The following NDRG3 variants were observed in gnomAD, a reference collection of about 807,000 sequenced individuals.
NDRG3 encodes the protein NDRG family member 3.
In NDRG3, 23 loss-of-function variants were observed where a neutral mutation model predicts 57.2. The observed-to-expected ratio is 0.40, with a 90% confidence interval of 0.29 to 0.57. The LOEUF (loss-of-function observed/expected upper bound fraction) is 0.57. NDRG3 is among the 20% of genes least tolerant of loss of function. The probability of loss-of-function intolerance (pLI) is 0.42; values close to 1 mark genes in which losing one functional copy is unlikely to be tolerated. For synonymous variants in NDRG3, 132 were observed against 162.6 expected (o/e 0.81, Z 1.43); for missense variants, 384 against 457.3 (o/e 0.84, Z 1.46).
At chr20:36,676,566 A>C (rs955518697) in intron 8 of NDRG3, among the ~76,000 whole-genome samples, 1 of 152,070 alleles carries the variant, frequency 6.6e-6, no homozygotes, top group African/African-American at 2.4e-5. Context: ...GGGTTCAAGC[A>C]ATTCTCCTGC....
chr20:36,720,535 T>C (rs139736946), intron 2 of NDRG3, among the ~76,000 whole-genome samples: 1 of 152,260 alleles, frequency 6.6e-6, no homozygotes, highest in East Asian at 1.9e-4. Context: ...TGTGGTCTCA[T>C]CTGCTCCTTG....
chr20:36,736,905 C>T (rs192878307), intron 1 of NDRG3, among the ~76,000 whole-genome samples: 1 of 152,196 alleles, frequency 6.6e-6, no homozygotes, highest in Non-Finnish European at 1.5e-5. Context: ...GCTCACAGAT[C>T]CTCACTGTAA....
rs147614419 is a variant in NDRG3 at position 36,721,523 on chromosome 20, G to A, written c.57+156C>T. Among the ~76,000 whole-genome samples, 11 of 150,230 alleles carry A rather than the reference G, an allele frequency of 7.3e-5. No homozygotes were observed. The East Asian group carries it at 9.8e-4, about 13-fold the overall frequency. On this transcript the variant is annotated intron_variant, in intron 2 of 15. Coordinates refer to ENST00000349004, the MANE Select transcript of NDRG3 (RefSeq NM_032013.4). ...CAGCCTGGCAACAGAGTGAGACACC[G>A]TCTCAAAAAAAAAAAGAAATAGATT...
At chr20:36,697,152 A>G (rs1982860046) in intron 3 of NDRG3, among the ~76,000 whole-genome samples, 1 of 152,214 alleles carries the variant, frequency 6.6e-6, no homozygotes, top group Non-Finnish European at 1.5e-5. Context: ...CAATCCAGAA[A>G]AAGTGTTCTC....
chr20:36,707,123 C>T (rs1816833805), intron 2 of NDRG3, 116 bp from the exon 3 acceptor site: 2 of 917,914 alleles, frequency 2.2e-6, no homozygotes, highest in Non-Finnish European at 3.5e-6. Context: ...TGCCATAAAA[C>T]TGAAATAGTT....
At chr20:36,668,396 C>CT (rs941889160) in intron 9 of NDRG3, among the ~76,000 whole-genome samples, 4 of 152,226 alleles carry the variant, frequency 2.6e-5, no homozygotes, top group African/African-American at 9.6e-5. Context: ...CACTACCCAT[C>CT]TTCCCACATC....
intron 9 of NDRG3, among the ~76,000 whole-genome samples, chr20:36,669,953 A>G (rs961802442): frequency 6.6e-6 from 1 of 152,228 alleles, no homozygotes; most frequent in African/African-American, 2.4e-5. Flanking sequence ...AATAAAAAAG[A>G]ATGAACTACT....
chr20:36,685,214 G>A (rs186670956), intron 5 of NDRG3, among the ~76,000 whole-genome samples: 13 of 151,974 alleles, frequency 8.6e-5, no homozygotes, highest in African/African-American at 2.9e-4. Context: ...TCTAGGTATG[G>A]GCACACAGTT....
chr20:36,703,527 T>C (rs1983375640), intron 3 of NDRG3, among the ~76,000 whole-genome samples: 1 of 152,106 alleles, frequency 6.6e-6, no homozygotes, highest in South Asian at 2.1e-4. Flanking sequence ...TAGGCTGGTC[T>C]CAAACTCCTG....
Position 36,665,078 on chromosome 20 carries a change from C to T in NDRG3, c.778G>A (p.Val260Ile), listed in dbSNP as rs1979507130. 7 of 1,614,018 alleles carry T rather than the reference C, an allele frequency of 4.3e-6. No homozygotes were observed. The highest frequency in any genetic ancestry group is 5.9e-6 in the Non-Finnish European group (7 of 1,180,010). Residue 260 changes from valine to isoleucine, a missense_variant, in exon 12 of 16, where the codon GTA becomes ATA. Coordinates refer to ENST00000349004, the MANE Select transcript of NDRG3 (RefSeq NM_032013.4). ...KTLKCSTLLV[V>I]GDNSPAVEAV... ...TCAACTGCAGGCGAATTGTCCCCTA[C>T]CACCAGTAAAGTAGAACACCTAGGT...
At chr20:36,685,402 CT>C in intron 5 of NDRG3, among the ~76,000 whole-genome samples, 1 of 152,078 alleles carries the variant, frequency 6.6e-6, no homozygotes, top group East Asian at 1.9e-4. Flanking sequence ...CCTTGAACTC[CT>C]GGGCTCAAGC....
At chr20:36,721,313 G>A (rs1032741624) in intron 2 of NDRG3, among the ~76,000 whole-genome samples, 1 of 151,642 alleles carries the variant, frequency 6.6e-6, no homozygotes, top group Non-Finnish European at 1.5e-5. Flanking sequence ...GGAGGATCAC[G>A]AGGTCAGGAG....
chr20:36,744,971 G>GC (rs1200225180), intron 1 of NDRG3, among the ~76,000 whole-genome samples: 1 of 151,322 alleles, frequency 6.6e-6, no homozygotes, highest in East Asian at 1.9e-4. Flanking sequence ...AGGGTAAGGG[G>GC]GGGGGGGGGC....
At position 36,666,265 on chromosome 20, in the gene NDRG3, T is replaced by C. The variant is rs1568626278; in HGVS notation, c.692+24A>G. 7 of 1,547,462 alleles carry C rather than the reference T, an allele frequency of 4.5e-6. No individual in the cohort carries two copies. In the South Asian group the frequency reaches 7.8e-5, roughly 17 times the overall value. The stretch of plus-strand genomic sequence containing the variant: ...TTTTTAGAACCTGTTTACATTTAAG[T>C]GAAGAAACAGGAAAAAACTATACCC... On this transcript the variant is annotated intron_variant, in intron 10 of 15. Transcript: ENST00000349004.
chr20:36,725,145 A>C (rs558016278), intron 1 of NDRG3, among the ~76,000 whole-genome samples: 1 of 151,812 alleles, frequency 6.6e-6, no homozygotes, highest in Non-Finnish European at 1.5e-5. Context: ...AAAATAAAAA[A>C]AATTAGACAG....
chr20:36,662,520 T>C (rs1979297109), intron 12 of NDRG3, among the ~76,000 whole-genome samples: 1 of 152,210 alleles, frequency 6.6e-6, no homozygotes, highest in African/African-American at 2.4e-5. Context: ...GTTTTTGACA[T>C]CTACTTTCTC....
chr20:36,700,729 T>C (rs1174375962), intron 3 of NDRG3: 1 of 205,634 alleles, frequency 4.9e-6, no homozygotes, highest in Admixed American at 6.1e-5. Context: ...GCTCTGGTCA[T>C]AGATCTCTCC....
At chr20:36,681,749 G>C (rs1981318323) in intron 7 of NDRG3, among the ~76,000 whole-genome samples, 1 of 151,532 alleles carries the variant, frequency 6.6e-6, no homozygotes, top group African/African-American at 2.4e-5. Flanking sequence ...GCCCAGGCTG[G>C]TGCAGTGATG....
chr20:36,682,596 C>T lies in NDRG3; in HGVS notation c.384-18G>A, dbSNP rs763042575. 28 of 1,610,248 alleles carry T rather than the reference C, an allele frequency of 1.7e-5. No homozygotes were observed. The Admixed American group carries it at 2.5e-4, about 14-fold the overall frequency. ...TTTTCAGGCTGTGAATGGGACATAACGACAACTGACAGAGTCAACTTCATT... is the reference window on the plus strand; with the variant it reads ...TTTTCAGGCTGTGAATGGGACATAATGACAACTGACAGAGTCAACTTCATT... On this transcript the variant is annotated intron_variant, in intron 6 of 15. Coordinates refer to ENST00000349004, the MANE Select transcript of NDRG3 (RefSeq NM_032013.4).
Sources: gnomAD v4.1 joint callset for allele counts (sites outside exome capture counted in the v4.1 genomes callset) on GRCh38, gnomAD v4.1.1 for gene constraint, MANE v1.5 for transcripts, NCBI Gene and HGNC (gene_info 2026-07-23, HGNC 2026-07-21) for gene names.